COL16A1: variants seen among roughly 807,000 people sequenced by gnomAD.
COL16A1 encodes collagen type XVI alpha 1 chain.
Under a neutral mutation model 266.3 loss-of-function variants are expected in COL16A1, and 189 were observed. The ratio of observed to expected loss-of-function variants is 0.71; its 90% CI spans 0.63 to 0.80. The LOEUF is 0.80. Ranked by LOEUF, COL16A1 falls within the 30% of genes least tolerant of loss-of-function variation. The probability of loss-of-function intolerance (pLI) is 0.00; values close to 1 mark genes in which losing one functional copy is unlikely to be tolerated. For synonymous variants in COL16A1, 740 were observed against 782.3 expected (o/e 0.95, Z 0.90); for missense variants, 1,928 against 2,122.4 (o/e 0.91, Z 1.80).
chr1:31,672,852 G>A lies in COL16A1; in HGVS notation c.2860-12C>T. On this transcript the variant is annotated splice_polypyrimidine_tract_variant and intron_variant, in intron 44 of 70. Coordinates refer to ENST00000373672, the MANE Select transcript of COL16A1 (RefSeq NM_001856.4). ...TCCCCGCAGATACTCTGATCAGGGA[G>A]TGGGGAGAGGAGTGGGGCCTGGGTT... 1 of 1,612,578 alleles carries A rather than the reference G, an allele frequency of 6.2e-7. No individual in the cohort carries two copies. The highest frequency in any genetic ancestry group is 1.7e-4 in the Middle Eastern group (1 of 6,058).
chr1:31,679,211 G>T, intron 42 of COL16A1: 1 of 531,734 alleles, frequency 1.9e-6, no homozygotes, highest in Non-Finnish European at 3.3e-6. Context: ...TAGAATATAA[G>T]CTCCAAGAGG....
intron 66 of COL16A1, chr1:31,655,817 T>C: frequency 2.6e-6 from 1 of 391,216 alleles, no homozygotes; most frequent in Non-Finnish European, 4.6e-6. Flanking sequence ...CTCCCCACCC[T>C]CTGCCTCCCA....
At position 31,685,551 on chromosome 1, in the gene COL16A1, A is replaced by G. The variant is rs1643925946; in HGVS notation, c.2016+88T>C. The G allele has an allele frequency of 6.2e-6, 7 of 1,122,550 alleles. No homozygotes were observed. Among genetic ancestry groups the G allele is most frequent in the South Asian group, 1.4e-5 (1 of 69,830 alleles). 69.5% of individuals were successfully genotyped at this position (1,122,550 alleles called of 1,614,324 possible). Reference sequence around the variant, plus strand: ...CCCCACTACCCCCAACTGCCCAGGGAGTCAAGAGACCCAGGCAGGACCCCT... The same window carrying G: ...CCCCACTACCCCCAACTGCCCAGGGGGTCAAGAGACCCAGGCAGGACCCCT... On this transcript the variant is annotated intron_variant, in intron 29 of 70. Coordinates refer to ENST00000373672, the MANE Select transcript of COL16A1 (RefSeq NM_001856.4). The surrounding 1 kb of genome is among the most constrained non-coding windows in gnomAD (Gnocchi z 4.0).
intron 13 of COL16A1, 140 bp downstream of exon 13, chr1:31,692,952 C>T (rs1644340073): frequency 1.0e-6 from 1 of 962,570 alleles, no homozygotes; most frequent in Non-Finnish European, 1.6e-6. Flanking sequence ...CCTAGAAAGA[C>T]CCTGGCCCTC....
At chr1:31,675,332 G>A (rs116709151) in intron 42 of COL16A1, 21 bp from the exon 43 acceptor site, 21 of 1,611,976 alleles carry the variant, frequency 1.3e-5, no homozygotes, top group East Asian at 4.5e-5. Flanking sequence ...GAAGAGACAC[G>A]AGTGAGTGGG....
rs1245239308 is a variant in COL16A1, at chr1:31,664,568, A to T, written c.3555+604T>A. ...GGCCGAGACAGGGATGTCAGCCCCA[A>T]GCCAAGGCAGAGCCATGTCTCCAGC... On this transcript the variant is annotated intron_variant, in intron 56 of 70. Coordinates refer to ENST00000373672, the MANE Select transcript of COL16A1 (RefSeq NM_001856.4). The surrounding 1 kb of genome is among the most constrained non-coding windows in gnomAD (Gnocchi z 5.5). 6.6e-6 allele frequency among the ~76,000 whole-genome samples: 1 copy of T among 152,192 alleles called. No individual in the cohort carries two copies. Among genetic ancestry groups the T allele is most frequent in the Non-Finnish European group, 1.5e-5 (1 of 68,016 alleles).
intron 9 of COL16A1, 76 bp from the exon 10 acceptor site, chr1:31,695,863 C>T (rs992123578): frequency 1.0e-5 from 14 of 1,385,878 alleles, no homozygotes; most frequent in Middle Eastern, 3.6e-4. Flanking sequence ...ACCCCTACCC[C>T]CAAACCAACA....
rs778006208 is a variant in COL16A1, at chr1:31,666,051, G to T, written c.3388C>A (p.Pro1130Thr). Residue 1130 changes from proline to threonine, a missense_variant, in exon 53 of 71, where the codon CCC (proline) becomes ACC (threonine). Coordinates refer to ENST00000373672, the MANE Select transcript of COL16A1 (RefSeq NM_001856.4). ...GPPGSEGLPG[P>T]PGPAGPRGER... ...CCTTCACTCACCGCTGGGCCTGGGG[G>T]GCCTGGGAGGCCTTCAGATCCTGGG... 6.2e-7 allele frequency: 1 copy of T among 1,612,872 alleles called. No homozygotes were observed. Among genetic ancestry groups the T allele is most frequent in the Non-Finnish European group, 8.5e-7 (1 of 1,179,632 alleles).
At position 31,656,265 on chromosome 1, in the gene COL16A1, G is replaced by A; in HGVS notation, c.4101+135C>T. 6.9e-7 allele frequency: 1 copy of A among 1,456,346 alleles called. No individual in the cohort carries two copies. Among genetic ancestry groups the A allele is most frequent in the Non-Finnish European group, 9.3e-7 (1 of 1,078,114 alleles). 90.2% of individuals were successfully genotyped at this position (1,456,346 alleles called of 1,614,324 possible). Reference sequence around the variant, plus strand: ...GTGAGAAATTTTCAGACACTATCCTGCTCCAAGTTCTGCATTTTTGCCCCC... The same window carrying A: ...GTGAGAAATTTTCAGACACTATCCTACTCCAAGTTCTGCATTTTTGCCCCC... On this transcript the variant is annotated intron_variant, in intron 66 of 70. Transcript: ENST00000373672. This position sits in a 1 kb window ranked among gnomAD's most constrained non-coding sequence, Gnocchi z 4.2.
In COL16A1 at chr1:31,692,050, C is replaced by G; in HGVS notation, c.1212G>C (p.Lys404Asn). Residue 404 changes from lysine to asparagine, a missense_variant, in exon 17 of 71, where the codon AAG becomes AAC. Lys to Asn is a moderately conservative substitution (Grantham distance 94, BLOSUM62 0). Around this residue, in one of 2 missense-constraint regions of COL16A1, gnomAD observed 1,552 missense variants for 1,637.2 expected, o/e 0.95. Coordinates refer to ENST00000373672, the MANE Select transcript of COL16A1 (RefSeq NM_001856.4). ...STGEKGQKGEKGDGGIKGVPG... is the reference protein window; with the variant it reads ...STGEKGQKGENGDGGIKGVPG... ...GCACGCCCTTGATGCCTCCGTCGCC[C>G]TTCTCGCCTTTCTGGCCCTGGGGAA... 5 of 1,613,862 alleles carry G rather than the reference C, an allele frequency of 3.1e-6. No individual in the cohort carries two copies. Among genetic ancestry groups the G allele is most frequent in the Non-Finnish European group, 4.2e-6 (5 of 1,180,014 alleles).
chr1:31,688,855 A>G lies in COL16A1; in HGVS notation c.1767+6T>C, dbSNP rs764279142. On this transcript the variant is annotated splice_donor_region_variant and intron_variant, in intron 25 of 70. Transcript: ENST00000373672. This position sits in a 1 kb window ranked among gnomAD's most constrained non-coding sequence, Gnocchi z 4.9. ...TGGGCTGGGCTGGGAGAAAGTCGTC[A>G]CTCACCGGAAGGCCAGGCAGACCAA... The G allele has an allele frequency of 3.1e-6, 5 of 1,611,988 alleles. No homozygotes were observed. Among genetic ancestry groups the G allele is most frequent in the Non-Finnish European group, 4.2e-6 (5 of 1,178,906 alleles).
At chr1:31,691,693 C>T (rs1036991657) in intron 17 of COL16A1, 51 bp from the exon 18 acceptor site, 11 of 1,585,124 alleles carry the variant, frequency 6.9e-6, no homozygotes, top group Admixed American at 1.7e-5. Flanking sequence ...GGCCTGGCAC[C>T]GCCCCACTGG....
rs1052913255 is a variant in COL16A1, at chr1:31,660,658, G to A, written c.3826-20C>T. On this transcript the variant is annotated intron_variant, in intron 61 of 70. Coordinates refer to ENST00000373672, the MANE Select transcript of COL16A1 (RefSeq NM_001856.4). ...TTCACCCTGCAGGAGCCAGAAAAAG[G>A]AAAAAATGACACTGAAACTGACTTG... The A allele has an allele frequency of 1.9e-6, 3 of 1,613,102 alleles. No individual in the cohort carries two copies. The highest frequency in any genetic ancestry group is 2.5e-6 in the Non-Finnish European group (3 of 1,179,654).
chr1:31,688,623 C>G lies in COL16A1; in HGVS notation c.1768-121G>C. 1 of 1,387,034 alleles carries G rather than the reference C, an allele frequency of 7.2e-7. No individual in the cohort carries two copies. The highest frequency in any genetic ancestry group is 1.4e-5 in the African/African-American group (1 of 70,460). 85.9% of individuals were successfully genotyped at this position (1,387,034 alleles called of 1,614,324 possible). ...GATAGGAATTATGTCCTTCAGGTAGCTGGACAGTTTCTTCAGTTAGACAAC... is the reference window on the plus strand; with the variant it reads ...GATAGGAATTATGTCCTTCAGGTAGGTGGACAGTTTCTTCAGTTAGACAAC... On this transcript the variant is annotated intron_variant, in intron 25 of 70. Coordinates refer to ENST00000373672, the MANE Select transcript of COL16A1 (RefSeq NM_001856.4). The surrounding 1 kb of genome is among the most constrained non-coding windows in gnomAD (Gnocchi z 4.9).
At chr1:31,692,886 C>G in intron 13 of COL16A1, 78 bp from the exon 14 acceptor site, 1 of 1,399,076 alleles carries the variant, frequency 7.1e-7, no homozygotes, top group Non-Finnish European at 1.0e-6. Context: ...AGGATCGGCC[C>G]GGGAACCCCA....
chr1:31,703,502 G>A (rs1045445886), intron 1 of COL16A1, among the ~76,000 whole-genome samples: 3 of 152,092 alleles, frequency 2.0e-5, no homozygotes, highest in Admixed American at 6.5e-5. Flanking sequence ...CAGCTGTGGC[G>A]CCATGTGGGT....
At chr1:31,661,224 C>A in intron 60 of COL16A1, 105 bp from the exon 61 acceptor site, 1 of 1,484,652 alleles carries the variant, frequency 6.7e-7, no homozygotes, top group Non-Finnish European at 9.1e-7. Context: ...CCAGCTTTGG[C>A]CAGAGGCCCT....
At chr1:31,659,956 T>TTTTA (rs1264957431) in intron 62 of COL16A1, 1 of 110,222 alleles carries the variant, frequency 9.1e-6, no homozygotes, top group Non-Finnish European at 1.7e-5. Context: ...TGAGAGTTCT[T>TTTTA]TTTTTTTTTT....
intron 42 of COL16A1, 108 bp downstream of exon 42, chr1:31,679,522 GTC>G: frequency 1.9e-6 from 3 of 1,613,980 alleles, no homozygotes; most frequent in Non-Finnish European, 2.5e-6. Context: ...GAAATGGCAT[GTC>G]TGTGTTTTTG....
Sources: allele counts gnomAD v4.1 joint callset (sites outside exome capture counted in the v4.1 genomes callset), GRCh38; gene constraint gnomAD v4.1.1; regional missense constraint gnomAD v4.1.1; non-coding constraint Gnocchi (gnomAD v3.1); transcripts MANE v1.5; gene names NCBI Gene and HGNC (gene_info 2026-07-23, HGNC 2026-07-21).